Variants in RASSF3 observed in about 807,000 individuals in gnomAD.
RASSF3 encodes the protein Ras association domain family member 3, also known as ras association domain-containing protein 3.
RASSF3 carries 19 observed loss-of-function variants against 19.9 expected under a neutral mutation model. The observed-to-expected ratio is 0.96, with a 90% CI of 0.67 to 1.40. The LOEUF is 1.40. Ranked by LOEUF, RASSF3 falls within the 40% of genes most tolerant of loss-of-function variation. RASSF3 has a pLI of 0.00. For missense variants in RASSF3, 306 were observed against 289.8 expected (o/e 1.06, Z -0.41); for synonymous variants, 110 against 104.2 (o/e 1.06, Z -0.34).
intron 1 of RASSF3, among the ~76,000 whole-genome samples, chr12:64,618,350 C>T (rs1870623408): frequency 6.6e-6 from 1 of 152,048 alleles, no homozygotes; most frequent in African/African-American, 2.4e-5. Context: ...TTTTTTGAGA[C>T]AAGTCTTGAT....
intron 4 of RASSF3, among the ~76,000 whole-genome samples, chr12:64,692,530 T>C (rs1223219018): frequency 6.6e-6 from 1 of 152,150 alleles, no homozygotes; most frequent in Non-Finnish European, 1.5e-5. Flanking sequence ...TTCTGGTGTT[T>C]TGAAGCTTTT....
At chr12:64,575,373 C>G (rs1051394623) in intron 2 of RASSF3, among the ~76,000 whole-genome samples, 1 of 152,110 alleles carries the variant, frequency 6.6e-6, no homozygotes, top group African/African-American at 2.4e-5. Context: ...CTAACACAGT[C>G]AAACCCCGTC....
At chr12:64,682,300 G>T (rs1873157062) in intron 1 of RASSF3, among the ~76,000 whole-genome samples, 1 of 152,150 alleles carries the variant, frequency 6.6e-6, no homozygotes, top group South Asian at 2.1e-4. Flanking sequence ...CCACGAGATA[G>T]GTGGCTCACG....
chr12:64,624,957 G>A (rs950557283), intron 1 of RASSF3, among the ~76,000 whole-genome samples: 1 of 151,886 alleles, frequency 6.6e-6, no homozygotes, highest in South Asian at 2.1e-4. Context: ...GTGAGCCACC[G>A]CGCCTGGCCA....
At chr12:64,606,910 G>A (rs1404031756), upstream of RASSF3, among the ~76,000 whole-genome samples, 1 of 152,126 alleles carries the variant, frequency 6.6e-6, no homozygotes, top group African/African-American at 2.4e-5. Flanking sequence ...GTGTCTAGTT[G>A]CTTAACATGA....
At chr12:64,626,640 T>C (rs941390579) in intron 1 of RASSF3, among the ~76,000 whole-genome samples, 2 of 152,148 alleles carry the variant, frequency 1.3e-5, no homozygotes, top group African/African-American at 4.8e-5. Flanking sequence ...TCACTGTAGC[T>C]AGCCTTGAAC....
chr12:64,627,084 G>A (rs11835607), intron 1 of RASSF3, among the ~76,000 whole-genome samples: 24 of 152,166 alleles, frequency 1.6e-4, no homozygotes, highest in African/African-American at 5.6e-4. Context: ...TATGTGGAAT[G>A]TATTCCTAGA....
At chr12:64,578,995 C>T (rs958503595) in intron 2 of RASSF3, among the ~76,000 whole-genome samples, 12 of 152,122 alleles carry the variant, frequency 7.9e-5, no homozygotes, top group African/African-American at 2.9e-4. Flanking sequence ...GGTGTGGTGG[C>T]GCATGCCTGT....
intron 1 of RASSF3, among the ~76,000 whole-genome samples, chr12:64,637,281 CTGAG>C (rs1871355706): frequency 6.6e-6 from 1 of 152,140 alleles, no homozygotes; most frequent in African/African-American, 2.4e-5. Context: ...TTCAAACTGA[CTGAG>C]TGGGTGTCTT....
At chr12:64,656,688 G>T (rs1169712145) in intron 1 of RASSF3, among the ~76,000 whole-genome samples, 1 of 152,118 alleles carries the variant, frequency 6.6e-6, no homozygotes, top group Non-Finnish European at 1.5e-5. Context: ...ATCACACCAG[G>T]CTGAAGCCCC....
intron 1 of RASSF3, among the ~76,000 whole-genome samples, chr12:64,648,631 C>T (rs1871825631): frequency 6.6e-6 from 1 of 151,364 alleles, no homozygotes; most frequent in Non-Finnish European, 1.5e-5. Context: ...TACAGGCATG[C>T]GCCACAACAC....
chr12:64,653,792 C>T (rs1317859921), intron 1 of RASSF3, among the ~76,000 whole-genome samples: 1 of 152,122 alleles, frequency 6.6e-6, no homozygotes, highest in Non-Finnish European at 1.5e-5. Context: ...TAGCAATTCT[C>T]CTGCCTTGGC....
chr12:64,596,193 C>A (rs1869996982), intron 2 of RASSF3, among the ~76,000 whole-genome samples: 1 of 152,172 alleles, frequency 6.6e-6, no homozygotes, highest in African/African-American at 2.4e-5. Context: ...TTTGTTGAAC[C>A]CAAGCATAAA....
downstream of RASSF3, among the ~76,000 whole-genome samples, chr12:64,544,529 A>C (rs1203288507): frequency 6.6e-6 from 1 of 151,946 alleles, no homozygotes; most frequent in Non-Finnish European, 1.5e-5. Context: ...AGGTGGGAGG[A>C]TCACTTGAGC....
At chr12:64,583,751 T>A (rs980279540) in intron 2 of RASSF3, among the ~76,000 whole-genome samples, 5 of 152,196 alleles carry the variant, frequency 3.3e-5, no homozygotes, top group Non-Finnish European at 5.9e-5. Context: ...CTTACTGTAT[T>A]CAACTAAAAG....
intron 1 of RASSF3, among the ~76,000 whole-genome samples, chr12:64,540,961 T>C (rs1365807793): frequency 6.7e-6 from 1 of 149,136 alleles, no homozygotes; most frequent in Non-Finnish European, 1.5e-5. Flanking sequence ...TTTGTAGAGA[T>C]AGGGTCTTGC....
chr12:64,521,840 G>A (rs1868485750), intron 1 of RASSF3, among the ~76,000 whole-genome samples: 1 of 152,160 alleles, frequency 6.6e-6, no homozygotes. Flanking sequence ...GCTTTAAAGA[G>A]GCATAGGCAG....
chr12:64,673,289 C>T (rs1375600048), intron 1 of RASSF3, among the ~76,000 whole-genome samples: 1 of 152,092 alleles, frequency 6.6e-6, no homozygotes, highest in Non-Finnish European at 1.5e-5. Flanking sequence ...TGGGGTGGTG[C>T]TTGTGTCACC....
upstream of RASSF3, among the ~76,000 whole-genome samples, chr12:64,607,397 T>C (rs1206952469): frequency 6.6e-6 from 1 of 151,942 alleles, no homozygotes. Flanking sequence ...TGAGGCAGAG[T>C]CTCCCTGTGT....
Sources: allele counts gnomAD v4.1 joint callset (sites outside exome capture counted in the v4.1 genomes callset), GRCh38; gene constraint gnomAD v4.1.1; transcripts MANE v1.5; gene names NCBI Gene and HGNC (gene_info 2026-07-23, HGNC 2026-07-21).